Variants in TRPM3 observed in about 807,000 individuals in gnomAD.
The protein encoded by TRPM3 is long transient receptor potential channel 3.
TRPM3 carries 77 observed loss-of-function variants against 181.2 expected under a neutral mutation model. The ratio of observed to expected loss-of-function variants is 0.42; its 90% CI spans 0.35 to 0.51. The LOEUF (loss-of-function observed/expected upper bound fraction) is 0.51. TRPM3 is among the 20% of genes least tolerant of loss of function. The pLI, the probability that TRPM3 is intolerant of heterozygous loss-of-function variation, is 0.01. For missense variants in TRPM3, 1,759 were observed against 2,196.7 expected (o/e 0.80, Z 3.98); for synonymous variants, 745 against 796.4 (o/e 0.94, Z 1.09).
rs545161672 is a variant in TRPM3 at position 70,577,860 on chromosome 9, G to A, written c.3223+13171C>T. ...CGCATGCACCATATATAGTTCCTTC[G>A]GTGCTTGAACATTATGTTCCTCAGG... On this transcript the variant is annotated intron_variant, in intron 22 of 25. Coordinates refer to ENST00000677713, the MANE Select transcript of TRPM3 (RefSeq NM_001366145.2). 4.1e-4 allele frequency among the ~76,000 whole-genome samples: 62 copies of A among 152,182 alleles called. No individual in the cohort carries two copies. The South Asian group carries it at 0.011, about 26-fold the overall frequency.
chr9:70,789,634 A>T (rs1451358841), intron 6 of TRPM3, among the ~76,000 whole-genome samples: 1 of 152,342 alleles, frequency 6.6e-6, no homozygotes, highest in East Asian at 1.9e-4. Context: ...TGAGAGCAAT[A>T]TAAGGTTGCT....
chr9:70,789,511 T>C (rs1564299648), intron 6 of TRPM3, among the ~76,000 whole-genome samples: 1 of 152,218 alleles, frequency 6.6e-6, no homozygotes, highest in Non-Finnish European at 1.5e-5. Context: ...ATACTTGTTC[T>C]TTGGTTTTGG....
chr9:70,537,535 G>T, intron 25 of TRPM3, 130 bp from the exon 26 acceptor site: 2 of 704,766 alleles, frequency 2.8e-6, no homozygotes, highest in Non-Finnish European at 4.0e-6. Flanking sequence ...TACAGGTGTT[G>T]AGAGGGGTTG....
rs115690851 is a variant in TRPM3, at chr9:71,133,825, G to T, written c.184-269314C>A. Among the ~76,000 whole-genome samples the T allele has an allele frequency of 2.0e-3, 298 of 152,236 alleles. 2 individuals carry two copies. The highest frequency in any genetic ancestry group is 7.0e-3 in the African/African-American group (289 of 41,536). On this transcript the variant is annotated intron_variant, in intron 1 of 24. Coordinates refer to the TRPM3 transcript ENST00000357533. ...ACAGCAGATGTTATGCTGAAGAAAGGTCATTTCCAATCTAAGCACAGACAA... is the reference window on the plus strand; with the variant it reads ...ACAGCAGATGTTATGCTGAAGAAAGTTCATTTCCAATCTAAGCACAGACAA...
rs551991961 is a variant in TRPM3, at chr9:71,088,281, C to A, written c.177+32897G>T. Among the ~76,000 whole-genome samples, 51 of 152,212 alleles carry A rather than the reference C, an allele frequency of 3.4e-4. 2 individuals carry two copies. In the Middle Eastern group the frequency reaches 0.024, roughly 71 times the overall value. ...GAGAAAATGGATTTTGGGATGGAAG[C>A]TGCTCAAATAGATTTTGAAAGTTGA... On this transcript the variant is annotated intron_variant, in intron 1 of 25. Coordinates refer to ENST00000677713, the MANE Select transcript of TRPM3 (RefSeq NM_001366145.2).
chr9:71,331,622 AAGG>A (rs750542734), intron 1 of TRPM3, among the ~76,000 whole-genome samples: 8 of 150,214 alleles, frequency 5.3e-5, no homozygotes, highest in Non-Finnish European at 1.2e-4. Context: ...TAAGGAGAAG[AAGG>A]AGGAGAAGAA....
intron 1 of TRPM3, among the ~76,000 whole-genome samples, chr9:71,140,908 G>A (rs575695106): frequency 1.2e-4 from 18 of 152,194 alleles, no homozygotes; most frequent in African/African-American, 3.4e-4. Flanking sequence ...GGAGACCCGG[G>A]GGTTTTAAAG....
intron 1 of TRPM3, among the ~76,000 whole-genome samples, chr9:71,196,939 T>C (rs920228300): frequency 1.4e-5 from 2 of 139,172 alleles, no homozygotes; most frequent in African/African-American, 5.4e-5. Flanking sequence ...TACATATGTA[T>C]ACATGTGCCA....
chr9:70,904,815 T>C (rs2096439163), intron 1 of TRPM3, among the ~76,000 whole-genome samples: 1 of 152,210 alleles, frequency 6.6e-6, no homozygotes, highest in African/African-American at 2.4e-5. Flanking sequence ...AGGGAGAGTC[T>C]TCATTGAACA....
At chr9:70,621,523 C>T (rs2063640940) in intron 14 of TRPM3, among the ~76,000 whole-genome samples, 1 of 152,000 alleles carries the variant, frequency 6.6e-6, no homozygotes, top group East Asian at 1.9e-4. Context: ...TGTTACCACG[C>T]TTGGCTAAGT....
chr9:70,890,636 G>A (rs956855428), intron 1 of TRPM3, among the ~76,000 whole-genome samples: 1 of 151,944 alleles, frequency 6.6e-6, no homozygotes, highest in African/African-American at 2.4e-5. Context: ...GAATGCAATG[G>A]GGATATCTTG....
intron 1 of TRPM3, among the ~76,000 whole-genome samples, chr9:70,981,287 C>G (rs1343129633): frequency 6.6e-6 from 1 of 152,156 alleles, no homozygotes; most frequent in Non-Finnish European, 1.5e-5. Flanking sequence ...GTAAAAGCAT[C>G]ATTAGTGCGA....
At chr9:71,102,559 A>C (rs1221035648) in intron 1 of TRPM3, among the ~76,000 whole-genome samples, 2 of 151,904 alleles carry the variant, frequency 1.3e-5, no homozygotes, top group Non-Finnish European at 2.9e-5. Context: ...TTCACACCAC[A>C]CTGCTTCTGC....
chr9:70,671,929 A>AGTTTTT (rs756835607), intron 9 of TRPM3, among the ~76,000 whole-genome samples: 4 of 98,524 alleles, frequency 4.1e-5, no homozygotes, highest in Non-Finnish European at 5.9e-5. Context: ...ATGTCCAGCT[A>AGTTTTT]ATTTTTTTTT....
At chr9:71,067,848 T>C (rs1231890375) in intron 1 of TRPM3, among the ~76,000 whole-genome samples, 2 of 152,222 alleles carry the variant, frequency 1.3e-5, no homozygotes, top group African/African-American at 4.8e-5. Context: ...GCCCTGTCTC[T>C]GCCACTAATT....
chr9:71,147,788 G>A (rs2075505154), intron 1 of TRPM3, among the ~76,000 whole-genome samples: 1 of 152,130 alleles, frequency 6.6e-6, no homozygotes, highest in Non-Finnish European at 1.5e-5. Context: ...CTGGACAAAG[G>A]TATGTGCACA....
At chr9:70,560,290 G>A (rs2001378) in intron 22 of TRPM3, among the ~76,000 whole-genome samples, 3,050 of 152,234 alleles carry the variant, frequency 0.02, 112 homozygotes, top group African/African-American at 0.068. Context: ...ATGTGCCAGT[G>A]GCAACTGGCA....
chr9:71,442,716 T>C (rs2094151003), intron 1 of TRPM3, among the ~76,000 whole-genome samples: 1 of 152,230 alleles, frequency 6.6e-6, no homozygotes, highest in Non-Finnish European at 1.5e-5. Context: ...TAATGCTGGA[T>C]TTTTTTCTTT....
chr9:71,418,520 TTGG>T (rs1216482701), intron 1 of TRPM3, among the ~76,000 whole-genome samples: 1 of 151,690 alleles, frequency 6.6e-6, no homozygotes, highest in African/African-American at 2.4e-5. Context: ...TGACCAGGGA[TTGG>T]TGGGTACCTC....
Sources: gnomAD v4.1 joint callset for allele counts (sites outside exome capture counted in the v4.1 genomes callset) on GRCh38, gnomAD v4.1.1 for gene constraint, MANE v1.5 for transcripts, NCBI Gene and HGNC (gene_info 2026-07-23, HGNC 2026-07-21) for gene names.